ERICH6: variants seen among roughly 807,000 people sequenced by gnomAD.
ERICH6 encodes glutamate rich 6, also known as glutamate-rich protein 6.
A neutral mutation model predicts 71.0 loss-of-function variants in ERICH6; 71 were observed. The ratio of observed to expected loss-of-function variants is 1.00; its 90% CI spans 0.83 to 1.22. The LOEUF (loss-of-function observed/expected upper bound fraction) is 1.22, where lower values mean the gene tolerates loss of function less well. Ranked by LOEUF, ERICH6 falls within the 50% of genes most tolerant of loss-of-function variation. The pLI, the probability that ERICH6 is intolerant of heterozygous loss-of-function variation, is 0.00. For missense variants in ERICH6, 808 were observed against 797.2 expected, an observed-to-expected ratio of 1.01 and a Z score of -0.16; for synonymous variants, 262 against 278.4, an observed-to-expected ratio of 0.94 and a Z score of 0.59.
At chr3:150,686,818 A>G (rs1559918000) in intron 3 of ERICH6, among the ~76,000 whole-genome samples, 1 of 152,206 alleles carries the variant, frequency 6.6e-6, no homozygotes, top group Non-Finnish European at 1.5e-5. Context: ...CACTTTATGG[A>G]TGCTCTTTGG....
intron 3 of ERICH6, among the ~76,000 whole-genome samples, chr3:150,695,820 C>T (rs1712637645): frequency 6.6e-6 from 1 of 150,572 alleles, no homozygotes; most frequent in African/African-American, 2.4e-5. Flanking sequence ...TGGAGAGGTA[C>T]ACTAGGTTCC....
rs752341466 is a variant in ERICH6, at chr3:150,669,468, T to C, written c.1344-17A>G. 3 of 1,609,970 alleles carry C rather than the reference T, an allele frequency of 1.9e-6. No individual in the cohort carries two copies. The highest frequency in any genetic ancestry group is 1.1e-5 in the South Asian group (1 of 90,140). ...GATGGATAGCTGAGATCAGATAAGG[T>C]CATATAAATTGTTCTAATGCTCCTT... On this transcript the variant is annotated splice_polypyrimidine_tract_variant and intron_variant, in intron 11 of 13. Coordinates refer to ENST00000295910, the MANE Select transcript of ERICH6 (RefSeq NM_152394.5).
intron 3 of ERICH6, among the ~76,000 whole-genome samples, chr3:150,686,735 T>A (rs1035707505): frequency 5.3e-5 from 8 of 152,254 alleles, no homozygotes; most frequent in African/African-American, 9.6e-5. Context: ...GCATGTATCT[T>A]AGCAACCTCA....
chr3:150,688,271 T>G lies in ERICH6; in HGVS notation c.554-1917A>C, dbSNP rs201514907. ...TGCCAGCACAGGTATGTAAAAAAAT[T>G]AATGCACAAAGGTTTTTATTAATAC... On this transcript the variant is annotated intron_variant, in intron 3 of 13. Coordinates refer to ENST00000295910, the MANE Select transcript of ERICH6 (RefSeq NM_152394.5). Among the ~76,000 whole-genome samples, 177 of 152,170 alleles carry G rather than the reference T, an allele frequency of 1.2e-3. 3 individuals are homozygous for G. Among genetic ancestry groups the G allele is most frequent in the African/African-American group, 4.2e-3 (175 of 41,518 alleles).
intron 2 of ERICH6, among the ~76,000 whole-genome samples, chr3:150,701,652 T>G (rs1712872698): frequency 6.6e-6 from 1 of 152,190 alleles, no homozygotes; most frequent in Non-Finnish European, 1.5e-5. Flanking sequence ...TCAGGGAATA[T>G]TTACAAAGAT....
chr3:150,695,468 T>A (rs187603794), intron 3 of ERICH6, among the ~76,000 whole-genome samples: 1 of 151,608 alleles, frequency 6.6e-6, no homozygotes, highest in Non-Finnish European at 1.5e-5. Flanking sequence ...GAGACCATCC[T>A]GGCCAACGTG....
chr3:150,673,111 T>C (rs1304064674), intron 11 of ERICH6, among the ~76,000 whole-genome samples: 1 of 150,504 alleles, frequency 6.6e-6, no homozygotes, highest in African/African-American at 2.5e-5. Context: ...TTCCTTCCTT[T>C]TTCCTTCCTT....
rs370274830 is a variant in ERICH6 at position 150,660,125 on chromosome 3, G to A, written c.1759C>T (p.Arg587Ter). The A allele has an allele frequency of 7.4e-5, 119 of 1,613,912 alleles. No homozygotes were observed. Among genetic ancestry groups the A allele is most frequent in the South Asian group, 5.1e-4 (46 of 91,078 alleles). The change falls in exon 14 of 14, where the codon CGA becomes TGA. Residue 587 changes from arginine (R) to a stop codon, truncating the protein, a stop_gained. Coordinates refer to ENST00000295910, the MANE Select transcript of ERICH6 (RefSeq NM_152394.5). LOFTEE classifies it low-confidence loss of function (END_TRUNC). ...LPNPEEIPILRYVSGDDLLLL... is the reference protein window; with the variant it reads ...LPNPEEIPIL ...AGAAGGTCATCTCCACTTACGTATC[G>A]GAGGATTGGAATCTCCTCAGGGTTT...
intron 12 of ERICH6, among the ~76,000 whole-genome samples, 197 bp downstream of exon 12, chr3:150,669,099 T>C (rs1302385939): frequency 6.6e-6 from 1 of 152,218 alleles, no homozygotes; most frequent in Non-Finnish European, 1.5e-5. Context: ...TTTATTTTTA[T>C]AATTGCTTGG....
chr3:150,688,619 C>T (rs1249634454), intron 3 of ERICH6, among the ~76,000 whole-genome samples: 1 of 152,226 alleles, frequency 6.6e-6, no homozygotes, highest in East Asian at 1.9e-4. Flanking sequence ...GCCTCCCATT[C>T]TATTCAATGT....
intron 3 of ERICH6, among the ~76,000 whole-genome samples, chr3:150,689,237 AT>A (rs35942063): frequency 6.6e-6 from 1 of 151,868 alleles, no homozygotes; most frequent in South Asian, 2.1e-4. Context: ...CAAGGAAGTC[AT>A]TTTTTTCCTG....
intron 3 of ERICH6, among the ~76,000 whole-genome samples, chr3:150,687,208 C>T (rs947211953): frequency 8.5e-5 from 13 of 152,190 alleles, no homozygotes; most frequent in African/African-American, 2.4e-4. Context: ...ATAATCACAA[C>T]GCTGCTAAGT....
chr3:150,685,884 G>T (rs746192591), intron 5 of ERICH6, 26 bp from the exon 6 acceptor site: 1 of 1,609,066 alleles, frequency 6.2e-7, no homozygotes, highest in South Asian at 1.1e-5. Context: ...GAAAGGGGTG[G>T]TGAGGGGAAA....
chr3:150,679,546 C>T (rs1425103042), intron 9 of ERICH6, among the ~76,000 whole-genome samples: 1 of 152,160 alleles, frequency 6.6e-6, no homozygotes, highest in Non-Finnish European at 1.5e-5. Context: ...AGGAGAAAAG[C>T]AAGGATATAA....
At chr3:150,675,858 C>CTT (rs75713453) in intron 10 of ERICH6, among the ~76,000 whole-genome samples, 91 of 130,932 alleles carry the variant, frequency 7.0e-4, no homozygotes, top group East Asian at 3.8e-3. Context: ...TCTTTCTTTC[C>CTT]TTTTTTTTTT....
intron 3 of ERICH6, among the ~76,000 whole-genome samples, chr3:150,696,626 C>T (rs1712666150): frequency 6.6e-6 from 1 of 152,094 alleles, no homozygotes; most frequent in South Asian, 2.1e-4. Context: ...GATATGAACA[C>T]TGTTTGCTGA....
intron 3 of ERICH6, among the ~76,000 whole-genome samples, 181 bp from the exon 4 acceptor site, chr3:150,686,535 G>T (rs1280045007): frequency 6.6e-6 from 1 of 152,096 alleles, no homozygotes; most frequent in Non-Finnish European, 1.5e-5. Context: ...AGGAAAGTTA[G>T]CATTCTATAT....
At chr3:150,698,714 A>G (rs1712746884) in intron 3 of ERICH6, 77 bp downstream of exon 3, 2 of 1,204,306 alleles carry the variant, frequency 1.7e-6, no homozygotes, top group Admixed American at 3.4e-5. Context: ...ATCTAGCTGT[A>G]CTGGCCTTCT....
intron 9 of ERICH6, among the ~76,000 whole-genome samples, chr3:150,680,132 A>T (rs143518231): frequency 6.6e-6 from 1 of 152,356 alleles, no homozygotes; most frequent in East Asian, 1.9e-4. Context: ...GAAGACTGAA[A>T]ACTCCAAAAA....
Sources: gnomAD v4.1 joint callset for allele counts (sites outside exome capture counted in the v4.1 genomes callset) on GRCh38, gnomAD v4.1.1 for gene constraint, MANE v1.5 for transcripts, NCBI Gene and HGNC (gene_info 2026-07-23, HGNC 2026-07-21) for gene names.